SIPA1L1: variants seen among roughly 807,000 people sequenced by gnomAD.
The protein encoded by SIPA1L1 is signal induced proliferation associated 1 like 1.
A neutral mutation model predicts 162.7 loss-of-function variants in SIPA1L1; 26 were observed. The ratio of observed to expected loss-of-function variants is 0.16; its 90% CI spans 0.12 to 0.22. SIPA1L1 has a LOEUF of 0.22. Among genes scored for constraint, SIPA1L1 ranks in the 10% least tolerant of loss-of-function variants. The probability of loss-of-function intolerance (pLI) is 1.00; values close to 1 mark genes in which losing one functional copy is unlikely to be tolerated. For synonymous variants in SIPA1L1, 829 were observed against 837.4 expected (o/e 0.99, Z 0.17); for missense variants, 1,874 against 2,241.0 (o/e 0.84, Z 3.31).
At chr14:71,656,370 A>G (rs765956256) in intron 8 of SIPA1L1, among the ~76,000 whole-genome samples, 1 of 152,186 alleles carries the variant, frequency 6.6e-6, no homozygotes, top group Non-Finnish European at 1.5e-5. Flanking sequence ...TTTGCTTAAA[A>G]TTGACTTGAA....
chr14:71,604,824 T>G (rs1438847453), intron 5 of SIPA1L1, among the ~76,000 whole-genome samples: 1 of 152,188 alleles, frequency 6.6e-6, no homozygotes, highest in Non-Finnish European at 1.5e-5. Context: ...TATTTTTGTC[T>G]TTGGCTTTTG....
intron 19 of SIPA1L1, 124 bp from the exon 20 acceptor site, chr14:71,729,931 C>T: frequency 9.4e-7 from 1 of 1,068,154 alleles, no homozygotes; most frequent in South Asian, 1.5e-5. Context: ...ACAATGAGCC[C>T]TGAAGCTTCC....
At chr14:71,441,635 A>T (rs927727669) in intron 2 of SIPA1L1, among the ~76,000 whole-genome samples, 1 of 152,184 alleles carries the variant, frequency 6.6e-6, no homozygotes, top group Admixed American at 6.5e-5. Context: ...TGGGACATGT[A>T]AGTACTAAAT....
chr14:71,332,842 TTTTC>T (rs2034706021), intron 2 of SIPA1L1, among the ~76,000 whole-genome samples: 1 of 152,218 alleles, frequency 6.6e-6, no homozygotes, highest in Non-Finnish European at 1.5e-5. Flanking sequence ...TTGAATTCAG[TTTTC>T]TTTAAGACCT....
At chr14:71,376,251 A>T (rs1032924285) in intron 2 of SIPA1L1, among the ~76,000 whole-genome samples, 1 of 151,506 alleles carries the variant, frequency 6.6e-6, no homozygotes, top group Non-Finnish European at 1.5e-5. Context: ...TTCTTGTGTT[A>T]TTTTTGATAG....
intron 7 of SIPA1L1, among the ~76,000 whole-genome samples, chr14:71,642,273 G>T (rs534417047): frequency 6.6e-6 from 1 of 152,150 alleles, no homozygotes. Flanking sequence ...GTACAGGCAG[G>T]GGGTACCCAG....
Position 71,739,193 on chromosome 14 carries a change from G to A in SIPA1L1, c.*32G>A. 1.9e-6 allele frequency: 3 copies of A among 1,590,046 alleles called. No homozygotes were observed. The highest frequency in any genetic ancestry group is 2.6e-6 in the Non-Finnish European group (3 of 1,165,710). ...CTGAGGAGGACAGGAGAAGGGCCCA[G>A]ACACTCCCTCCAGTGAGTGTCCTGC... On this transcript the variant is annotated 3_prime_UTR_variant, in exon 24 of 24. Coordinates refer to ENST00000381232, the MANE Select transcript of SIPA1L1 (RefSeq NM_001386936.1).
At chr14:71,673,058 T>C (rs1441622440) in intron 12 of SIPA1L1, among the ~76,000 whole-genome samples, 1 of 152,258 alleles carries the variant, frequency 6.6e-6, no homozygotes, top group Non-Finnish European at 1.5e-5. Flanking sequence ...CAGCAATTGT[T>C]TGGACCTTTG....
intron 5 of SIPA1L1, among the ~76,000 whole-genome samples, chr14:71,605,990 A>G (rs985509593): frequency 3.3e-5 from 5 of 152,108 alleles, no homozygotes; most frequent in Admixed American, 2.6e-4. Context: ...AGTGGTGTGC[A>G]CTGGTGTTGG....
At chr14:71,612,543 A>G (rs2038349421) in intron 5 of SIPA1L1, among the ~76,000 whole-genome samples, 1 of 152,232 alleles carries the variant, frequency 6.6e-6, no homozygotes, top group Non-Finnish European at 1.5e-5. Flanking sequence ...GTTCATAATT[A>G]CATTCAGTTC....
chr14:71,546,085 GA>G (rs905920362), intron 4 of SIPA1L1, among the ~76,000 whole-genome samples: 84 of 150,016 alleles, frequency 5.6e-4, no homozygotes, highest in Admixed American at 1.4e-3. Context: ...CCTGTCTCAG[GA>G]AAAAAAAAGA....
chr14:71,715,768 T>C (rs937573042), intron 17 of SIPA1L1, among the ~76,000 whole-genome samples: 3 of 152,260 alleles, frequency 2.0e-5, no homozygotes, highest in Non-Finnish European at 4.4e-5. Flanking sequence ...ACAGCTCTTA[T>C]AACTACACTT....
chr14:71,522,787 A>T (rs1284785659), intron 3 of SIPA1L1, among the ~76,000 whole-genome samples: 2 of 150,500 alleles, frequency 1.3e-5, no homozygotes, highest in Non-Finnish European at 3.0e-5. Flanking sequence ...TCTACCTCTC[A>T]GGTTCAAGTG....
At chr14:71,687,902 C>G (rs2080986299) in intron 13 of SIPA1L1, among the ~76,000 whole-genome samples, 1 of 152,168 alleles carries the variant, frequency 6.6e-6, no homozygotes, top group African/African-American at 2.4e-5. Context: ...AACCTCTACT[C>G]ACTGCCCCCT....
chr14:71,603,955 ATATATT>A (rs931643821), intron 5 of SIPA1L1, among the ~76,000 whole-genome samples: 1 of 145,256 alleles, frequency 6.9e-6, no homozygotes, highest in African/African-American at 2.5e-5. Context: ...ATATATTTAT[ATATATT>A]TATATATAGA....
chr14:71,672,479 G>A lies in SIPA1L1; in HGVS notation c.2961G>A (p.Gly987=). 6.2e-7 allele frequency: 1 copy of A among 1,614,242 alleles called. No individual in the cohort carries two copies. The highest frequency in any genetic ancestry group is 1.1e-5 in the South Asian group (1 of 91,086). The part of the protein sequence containing the change: ...VEPYGYAWQA[G]LRQGSRLVEI... ...CCTACGGTTATGCCTGGCAGGCAGG[G>A]CTGAGGCAGGGCAGTCGCCTGGTGG... Residue 987 remains glycine (G), a synonymous_variant, in exon 12 of 24, where the codon GGG becomes GGA. Transcript: ENST00000381232.
intron 13 of SIPA1L1, among the ~76,000 whole-genome samples, chr14:71,689,415 G>A (rs551383052): frequency 6.6e-6 from 1 of 152,178 alleles, no homozygotes; most frequent in Non-Finnish European, 1.5e-5. Flanking sequence ...AACAGAAATA[G>A]GTAATATGAT....
chr14:71,642,615 A>G (rs1293319900), intron 7 of SIPA1L1, among the ~76,000 whole-genome samples: 1 of 152,224 alleles, frequency 6.6e-6, no homozygotes, highest in African/African-American at 2.4e-5. Context: ...AAAATACTTT[A>G]TAGGAATACA....
At chr14:71,732,604 A>G (rs1407625607) in intron 20 of SIPA1L1, among the ~76,000 whole-genome samples, 2 of 152,220 alleles carry the variant, frequency 1.3e-5, no homozygotes, top group East Asian at 3.9e-4. Flanking sequence ...TGTTGTTACA[A>G]TGGTTTAATA....
Sources: allele counts gnomAD v4.1 joint callset (sites outside exome capture counted in the v4.1 genomes callset), GRCh38; gene constraint gnomAD v4.1.1; transcripts MANE v1.5; gene names NCBI Gene and HGNC (gene_info 2026-07-23, HGNC 2026-07-21).